Variants in SPTBN4 observed in about 807,000 individuals in gnomAD.
SPTBN4 encodes spectrin beta, non-erythrocytic 4, also known as spectrin beta chain, non-erythrocytic 4.
SPTBN4 carries 96 observed loss-of-function variants against 277.8 expected under a neutral mutation model. That is an observed-to-expected ratio of 0.35 (90% confidence interval 0.29 to 0.41). The LOEUF is 0.41. Ranked by LOEUF, SPTBN4 falls within the 10% of genes least tolerant of loss-of-function variation. The pLI, the probability that SPTBN4 is intolerant of heterozygous loss-of-function variation, is 1.00. For missense variants in SPTBN4, 3,006 were observed against 3,595.7 expected (o/e 0.84, Z 4.19); for synonymous variants, 1,481 against 1,580.3 (o/e 0.94, Z 1.49).
Position 40,490,199 on chromosome 19 carries a change from A to G in SPTBN4, c.446A>G (p.Asn149Ser). The G allele has an allele frequency of 6.2e-7, 1 of 1,614,202 alleles. No individual in the cohort carries two copies. The highest frequency in any genetic ancestry group is 1.3e-5 in the African/African-American group (1 of 75,054). ...GGTTCGCATGACATCGTGGATGGGA[A>G]TCACCGGCTGACGCTGGGGCTGGTC... The part of the protein sequence containing the change: ...NVGSHDIVDG[N>S]HRLTLGLVWT... Residue 149 changes from asparagine (N) to serine (S), a missense_variant, in exon 4 of 36, where the codon AAT becomes AGT. By Grantham distance (46) the Asn-to-Ser change is conservative. Transcript: ENST00000598249. The surrounding 1 kb of genome is among the most constrained non-coding windows in gnomAD (Gnocchi z 4.3).
At chr19:40,498,373 T>TTTTATTTA (rs372763000) in intron 7 of SPTBN4, among the ~76,000 whole-genome samples, 4,160 of 141,106 alleles carry the variant, frequency 0.029, 89 homozygotes, top group East Asian at 0.05. Context: ...TTTTATTTTA[T>TTTTATTTA]TTTATTTATT....
chr19:40,516,917 G>T (rs74259519), intron 15 of SPTBN4, among the ~76,000 whole-genome samples: 10,412 of 152,198 alleles, frequency 0.068, 458 homozygotes, highest in Middle Eastern at 0.12. Context: ...GTAAGCTACT[G>T]CTCCTAGCCC....
In SPTBN4 at chr19:40,550,143, A is replaced by G. The variant is rs959293698; in HGVS notation, c.4585-95A>G. 88 of 984,922 alleles carry G rather than the reference A, an allele frequency of 8.9e-5. No homozygotes were observed. The South Asian group carries it at 1.3e-3, about 15-fold the overall frequency. The allele number at this position is 984,922 out of a possible 1,614,324, so 61.0% of individuals were successfully genotyped here. On this transcript the variant is annotated intron_variant, in intron 21 of 35. Coordinates refer to ENST00000598249, the MANE Select transcript of SPTBN4 (RefSeq NM_020971.3). ...ATTCAACTGGGCTCTTAGGCAAGGAAGGGCCTGGGATGCCGTGCAGGTTTA... is the reference window on the plus strand; with the variant it reads ...ATTCAACTGGGCTCTTAGGCAAGGAGGGGCCTGGGATGCCGTGCAGGTTTA...
intron 20 of SPTBN4, among the ~76,000 whole-genome samples, chr19:40,545,801 GAAGGCC>G (rs1440880837): frequency 3.3e-5 from 5 of 152,030 alleles, no homozygotes; most frequent in South Asian, 2.1e-4. Flanking sequence ...CAGCACTTTG[GAAGGCC>G]AAGGCAGGCA....
intron 33 of SPTBN4, 171 bp downstream of exon 33, chr19:40,570,899 A>C: frequency 1.6e-5 from 8 of 498,238 alleles, no homozygotes; most frequent in Non-Finnish European, 1.8e-5. Context: ...AAGAAAGCCA[A>C]CCAATGAGCA....
Position 40,567,811 on chromosome 19 carries a change from G to A in SPTBN4, c.6485G>A (p.Arg2162His), listed in dbSNP as rs2081110298. Residue 2162 changes from arginine (R) to histidine (H), a missense_variant, in exon 31 of 36, where the codon CGC becomes CAC. By Grantham distance (29) the Arg-to-His change is conservative (BLOSUM62 0). Transcript: ENST00000598249. ...GAAAGGGGCTTGGAGCCCCTGGCCC[G>A]CCGAGCCTCGGACACGCTCTCGGCC... Reference protein sequence around the residue: ...GYERGLEPLARRASDTLSAEV... With the variant: ...GYERGLEPLAHRASDTLSAEV... 4.6e-6 allele frequency: 7 copies of A among 1,513,278 alleles called. No homozygotes were observed. In the East Asian group the frequency reaches 1.9e-4, roughly 40 times the overall value. 93.7% of individuals were successfully genotyped at this position (1,513,278 alleles called of 1,614,324 possible). A position where few individuals can be genotyped will look rare whatever the true frequency, so the allele number is the denominator to read the frequency against.
chr19:40,525,524 T>C (rs1468472376), intron 17 of SPTBN4, among the ~76,000 whole-genome samples: 1 of 152,114 alleles, frequency 6.6e-6, no homozygotes, highest in Non-Finnish European at 1.5e-5. Flanking sequence ...CATGCCAGGC[T>C]CAGCAAAACG....
chr19:40,494,816 C>T (rs1211605979), intron 5 of SPTBN4, 81 bp from the exon 6 acceptor site: 19 of 1,212,364 alleles, frequency 1.6e-5, no homozygotes, highest in Admixed American at 9.8e-5. Context: ...CCCTATCATT[C>T]GGTCTCCCTC....
intron 30 of SPTBN4, among the ~76,000 whole-genome samples, chr19:40,567,339 A>G (rs2081104401): frequency 6.6e-6 from 1 of 151,200 alleles, no homozygotes; most frequent in Non-Finnish European, 1.5e-5. Context: ...ATAAATAAAT[A>G]AATAAAGTCT....
chr19:40,566,983 AC>A (rs770264936), intron 30 of SPTBN4: 5,887 of 266,292 alleles, frequency 0.022, 82 homozygotes, highest in South Asian at 0.028. Context: ...TAAAAAAAAA[AC>A]AACAAAAAAA....
At chr19:40,511,156 A>G (rs1304766010) in intron 13 of SPTBN4, among the ~76,000 whole-genome samples, 1 of 152,172 alleles carries the variant, frequency 6.6e-6, no homozygotes, top group African/African-American at 2.4e-5. Context: ...CTGTAATCCC[A>G]GCATTTTAGG....
chr19:40,539,990 ATC>A (rs1030997132), intron 20 of SPTBN4, among the ~76,000 whole-genome samples: 32 of 151,570 alleles, frequency 2.1e-4, no homozygotes, highest in African/African-American at 7.0e-4. Flanking sequence ...CAGTGGCACA[ATC>A]TCGGCTCACT....
chr19:40,505,252 G>A (rs1002404980), intron 12 of SPTBN4, among the ~76,000 whole-genome samples: 8 of 150,204 alleles, frequency 5.3e-5, no homozygotes, highest in Admixed American at 3.3e-4. Context: ...TTAGCTAGGC[G>A]TGGTGGTGTG....
In SPTBN4 at chr19:40,554,188, G is replaced by C. The variant is rs1199519082; in HGVS notation, c.4716G>C (p.Glu1572Asp). 3 of 1,459,922 alleles carry C rather than the reference G, an allele frequency of 2.1e-6. No homozygotes were observed. The South Asian group carries it at 4.2e-5, about 20-fold the overall frequency. The allele number at this position is 1,459,922 out of a possible 1,614,324, so 90.4% of individuals were successfully genotyped here. The change falls in exon 23 of 36, where the codon GAG (glutamate) becomes GAC (aspartate). Residue 1572 changes from glutamate to aspartate, a missense_variant. Coordinates refer to ENST00000598249, the MANE Select transcript of SPTBN4 (RefSeq NM_020971.3). This position sits in a 1 kb window ranked among gnomAD's most constrained non-coding sequence, Gnocchi z 5.7. Reference protein sequence around the residue: ...REIQAHGPRLEEVLERAGALA... With the variant: ...REIQAHGPRLDEVLERAGALA... ...TCCAGGCGCATGGGCCGCGCCTGGAGGAGGTGCTGGAGCGCGCGGGCGCGC... is the reference window on the plus strand; with the variant it reads ...TCCAGGCGCATGGGCCGCGCCTGGACGAGGTGCTGGAGCGCGCGGGCGCGC...
intron 18 of SPTBN4, among the ~76,000 whole-genome samples, chr19:40,531,367 G>C (rs112093859): frequency 0.04 from 5,992 of 151,484 alleles, 218 homozygotes; most frequent in African/African-American, 0.092. Context: ...ATGCTCAGGG[G>C]ACATGGGCTG....
intron 27 of SPTBN4, 107 bp from the exon 28 acceptor site, chr19:40,565,316 G>A: frequency 1.5e-6 from 2 of 1,296,250 alleles, no homozygotes; most frequent in Non-Finnish European, 2.1e-6. Flanking sequence ...GTCTTGAGGT[G>A]GTATGGGATG....
At chr19:40,535,338 G>A (rs1434284646) in intron 20 of SPTBN4, among the ~76,000 whole-genome samples, 1 of 152,072 alleles carries the variant, frequency 6.6e-6, no homozygotes, top group Non-Finnish European at 1.5e-5. Context: ...GATTACAGGT[G>A]TGAGCCATGG....
At position 40,502,960 on chromosome 19, in the gene SPTBN4, G is replaced by C; in HGVS notation, c.1362+27G>C. 6.2e-7 allele frequency: 1 copy of C among 1,609,848 alleles called. No homozygotes were observed. Among genetic ancestry groups the C allele is most frequent in the Non-Finnish European group, 8.5e-7 (1 of 1,177,938 alleles). On this transcript the variant is annotated intron_variant, in intron 11 of 35. Coordinates refer to ENST00000598249, the MANE Select transcript of SPTBN4 (RefSeq NM_020971.3). The surrounding 1 kb of genome is among the most constrained non-coding windows in gnomAD (Gnocchi z 4.9). Reference sequence around the variant, plus strand: ...TACAAGGTGTAGGGCTTGGCTCCAGGGTAAAGGGACGGAGGGCGGGGCTGA... The same window carrying C: ...TACAAGGTGTAGGGCTTGGCTCCAGCGTAAAGGGACGGAGGGCGGGGCTGA...
chr19:40,482,085 C>T (rs1457032158), intron 2 of SPTBN4, among the ~76,000 whole-genome samples: 4 of 151,826 alleles, frequency 2.6e-5, no homozygotes, highest in East Asian at 1.9e-4. Context: ...TACAGGTGCC[C>T]GCCACCACAC....
Sources: allele counts gnomAD v4.1 joint callset (sites outside exome capture counted in the v4.1 genomes callset), GRCh38; gene constraint gnomAD v4.1.1; non-coding constraint Gnocchi (gnomAD v3.1); transcripts MANE v1.5; gene names NCBI Gene and HGNC (gene_info 2026-07-23, HGNC 2026-07-21).